The following MSRA variants were observed in gnomAD, a reference collection of about 807,000 sequenced individuals.
MSRA encodes the protein methionine sulfoxide reductase A.
Under a neutral mutation model 31.3 loss-of-function variants are expected in MSRA, and 54 were observed. The ratio of observed to expected loss-of-function variants is 1.73; its 90% CI spans 1.39 to 2.17. The LOEUF is 2.17. Among genes scored for constraint, MSRA ranks in the 30% most tolerant of loss-of-function variants. The probability of loss-of-function intolerance (pLI) is 0.00; values close to 1 mark genes in which losing one functional copy is unlikely to be tolerated. For missense variants in MSRA, 507 were observed against 300.9 expected (o/e 1.69, Z -5.07); for synonymous variants, 169 against 116.5 (o/e 1.45, Z -2.90).
chr8:10,275,374 C>G (rs1799268840), intron 3 of MSRA, among the ~76,000 whole-genome samples: 1 of 152,150 alleles, frequency 6.6e-6, no homozygotes, highest in Non-Finnish European at 1.5e-5. Flanking sequence ...TTTCCTTAGT[C>G]CAAGCCTTGT....
At chr8:10,338,972 A>G (rs1044184189) in intron 5 of MSRA, among the ~76,000 whole-genome samples, 1 of 152,236 alleles carries the variant, frequency 6.6e-6, no homozygotes, top group East Asian at 1.9e-4. Context: ...AGCAAGTGCC[A>G]GGCCAGTTTC....
chr8:10,302,880 A>C (rs963577741), intron 4 of MSRA, among the ~76,000 whole-genome samples: 2 of 152,128 alleles, frequency 1.3e-5, no homozygotes, highest in Non-Finnish European at 2.9e-5. Flanking sequence ...AGAACACTCT[A>C]ATCAGAAGGT....
At chr8:10,148,656 A>AG (rs1298804892) in intron 1 of MSRA, among the ~76,000 whole-genome samples, 2 of 151,828 alleles carry the variant, frequency 1.3e-5, no homozygotes, top group Non-Finnish European at 2.9e-5. Flanking sequence ...TAAAAAAAAA[A>AG]AAACGGGAAT....
At chr8:10,319,583 G>A (rs966885807) in intron 4 of MSRA, among the ~76,000 whole-genome samples, 2 of 151,540 alleles carry the variant, frequency 1.3e-5, no homozygotes, top group Admixed American at 1.3e-4. Flanking sequence ...GTAGATCGTT[G>A]TTTAAGTATT....
At chr8:10,404,144 G>A (rs1439367234) in intron 5 of MSRA, among the ~76,000 whole-genome samples, 1 of 152,118 alleles carries the variant, frequency 6.6e-6, no homozygotes, top group African/African-American at 2.4e-5. Context: ...ATGTCACAAT[G>A]CATCACCTCG....
At chr8:10,353,987 T>C (rs1200551435) in intron 5 of MSRA, 2 of 176,982 alleles carry the variant, frequency 1.1e-5, no homozygotes, top group Admixed American at 5.9e-5. Flanking sequence ...TTCCAGTGGG[T>C]TAACTTTTAA....
chr8:10,409,427 G>A (rs1465971154), intron 5 of MSRA, among the ~76,000 whole-genome samples: 7 of 152,174 alleles, frequency 4.6e-5, no homozygotes, highest in Non-Finnish European at 8.8e-5. Flanking sequence ...GTCACACGGG[G>A]ACATGGAATT....
intron 5 of MSRA, among the ~76,000 whole-genome samples, chr8:10,346,910 G>A (rs938811103): frequency 1.3e-5 from 2 of 152,128 alleles, no homozygotes; most frequent in African/African-American, 4.8e-5. Flanking sequence ...GTGGGTGAAG[G>A]TTCTGTTTTT....
intron 1 of MSRA, among the ~76,000 whole-genome samples, chr8:10,079,983 T>TA (rs1210906884): frequency 1.3e-5 from 2 of 152,246 alleles, no homozygotes; most frequent in Non-Finnish European, 2.9e-5. Flanking sequence ...TTTCTTGTGT[T>TA]ACGCTTAGCA....
chr8:10,385,532 G>C (rs1186868986), intron 5 of MSRA, among the ~76,000 whole-genome samples: 3 of 152,146 alleles, frequency 2.0e-5, no homozygotes, highest in South Asian at 2.1e-4. Flanking sequence ...TTGACAATTG[G>C]GGCAGGAGGG....
chr8:10,426,863 G>A (rs1244822586), intron 5 of MSRA, among the ~76,000 whole-genome samples: 2 of 152,182 alleles, frequency 1.3e-5, no homozygotes, highest in Admixed American at 6.5e-5. Context: ...ACATTAGAAT[G>A]GCTCCTCATT....
intron 3 of MSRA, among the ~76,000 whole-genome samples, chr8:10,296,569 ATG>A (rs1003510855): frequency 6.6e-6 from 1 of 152,216 alleles, no homozygotes; most frequent in African/African-American, 2.4e-5. Context: ...AATTTTCCCC[ATG>A]TCATCACGGC....
At chr8:10,094,428 A>C (rs1363381100) in intron 1 of MSRA, among the ~76,000 whole-genome samples, 1 of 152,254 alleles carries the variant, frequency 6.6e-6, no homozygotes, top group African/African-American at 2.4e-5. Flanking sequence ...ACACAAACTT[A>C]ACTAATTACT....
At chr8:10,121,468 C>G (rs531363866) in intron 1 of MSRA, among the ~76,000 whole-genome samples, 4 of 152,194 alleles carry the variant, frequency 2.6e-5, no homozygotes, top group African/African-American at 9.6e-5. Flanking sequence ...TTGCTTAGAG[C>G]GATCCAGGAT....
At chr8:10,129,437 G>C (rs1801738942) in intron 1 of MSRA, among the ~76,000 whole-genome samples, 1 of 152,140 alleles carries the variant, frequency 6.6e-6, no homozygotes, top group Non-Finnish European at 1.5e-5. Context: ...AAGTGATGAG[G>C]TGAAATAATT....
chr8:10,100,233 G>A (rs1216764041), intron 1 of MSRA, among the ~76,000 whole-genome samples: 1 of 152,174 alleles, frequency 6.6e-6, no homozygotes, highest in Non-Finnish European at 1.5e-5. Context: ...GTTGAACATC[G>A]TCTTTCTGGG....
At chr8:10,158,506 A>T (rs538966723) in intron 1 of MSRA, among the ~76,000 whole-genome samples, 1 of 152,322 alleles carries the variant, frequency 6.6e-6, no homozygotes, top group African/African-American at 2.4e-5. Context: ...CACTAGCATA[A>T]GTTTTCAGGA....
chr8:10,095,738 G>T, intron 1 of MSRA: 1 of 1,110,086 alleles, frequency 9.0e-7, no homozygotes, highest in African/African-American at 1.6e-5. Context: ...AACTTAGAAG[G>T]CTTTTTAAGT....
In MSRA at chr8:10,207,864, C is replaced by T. The variant is rs373568322; in HGVS notation, c.174C>T (p.Val58=). The T allele has an allele frequency of 1.6e-5, 25 of 1,610,638 alleles. No individual in the cohort carries two copies. Among genetic ancestry groups the T allele is most frequent in the Admixed American group, 5.0e-5 (3 of 59,770 alleles). ...AKHHVNGNRT[V]EPFPEGTQMA... is the part of the protein sequence containing the mutation. Reference sequence around the variant, plus strand: ...ATCATGTCAATGGCAACAGAACAGTCGAACCTTTCCCAGAGGGAACACAGA... The same window carrying T: ...ATCATGTCAATGGCAACAGAACAGTTGAACCTTTCCCAGAGGGAACACAGA... The change falls in exon 2 of 6, where the codon GTC becomes GTT. Residue 58 remains valine (V), a synonymous_variant. Coordinates refer to ENST00000317173, the MANE Select transcript of MSRA (RefSeq NM_012331.5).
Sources: allele counts gnomAD v4.1 joint callset (sites outside exome capture counted in the v4.1 genomes callset), GRCh38; gene constraint gnomAD v4.1.1; transcripts MANE v1.5; gene names NCBI Gene and HGNC (gene_info 2026-07-23, HGNC 2026-07-21).